TTBK2: variants seen among roughly 807,000 people sequenced by gnomAD.
The protein encoded by TTBK2 is tau-tubulin kinase 2.
In TTBK2, 28 loss-of-function variants were observed where a neutral mutation model predicts 110.8. The ratio of observed to expected loss-of-function variants is 0.25; its 90% confidence interval spans 0.19 to 0.35. The LOEUF is 0.35. Ranked by LOEUF, TTBK2 falls within the 10% of genes least tolerant of loss-of-function variation. TTBK2 has a pLI of 1.00. For missense variants in TTBK2, 1,369 were observed against 1,500.3 expected, an observed-to-expected ratio of 0.91 and a Z score of 1.45; for synonymous variants, 532 against 527.3, an observed-to-expected ratio of 1.01 and a Z score of -0.12.
intron 6 of TTBK2, among the ~76,000 whole-genome samples, chr15:42,821,129 A>G (rs995150301): frequency 6.6e-5 from 10 of 152,254 alleles, no homozygotes; most frequent in African/African-American, 2.2e-4. Flanking sequence ...AGAAAGGTAT[A>G]GAATGTATAT....
chr15:42,763,095 TATATATACGTATATATATATATACAC>T (rs1325301173), intron 13 of TTBK2, among the ~76,000 whole-genome samples: 1 of 120,068 alleles, frequency 8.3e-6, no homozygotes, highest in African/African-American at 3.7e-5. Flanking sequence ...TATATATATA[TATATATACGTATATATATATATACAC>T]ATATATATAC....
intron 14 of TTBK2, among the ~76,000 whole-genome samples, 178 bp downstream of exon 14, chr15:42,751,796 C>T (rs928274740): frequency 6.6e-6 from 1 of 152,072 alleles, no homozygotes; most frequent in African/African-American, 2.4e-5. Flanking sequence ...TATTTTACCG[C>T]AATAAATTGG....
At chr15:42,832,399 C>T (rs1201642890) in intron 4 of TTBK2, among the ~76,000 whole-genome samples, 1 of 152,062 alleles carries the variant, frequency 6.6e-6, no homozygotes, top group Non-Finnish European at 1.5e-5. Flanking sequence ...TATCAACTCA[C>T]AAAATCTGAG....
chr15:42,844,448 A>G (rs966423852), intron 3 of TTBK2, among the ~76,000 whole-genome samples: 1 of 152,158 alleles, frequency 6.6e-6, no homozygotes, highest in African/African-American at 2.4e-5. Flanking sequence ...AGTCCCAGCT[A>G]CTCAGGAAGC....
rs1020999283 is a variant in TTBK2, at chr15:42,884,867, T to C, written c.-67-6183A>G. On this transcript the variant is annotated intron_variant, in intron 1 of 14. Transcript: ENST00000267890. ...ATCCACAAAAGAAGTGAAAATAGCC[T>C]TAGCTGATGACATTCCACCATTGTG... is the stretch of plus-strand genomic sequence containing the variant. Among the ~76,000 whole-genome samples, 9 of 152,182 alleles carry C rather than the reference T, an allele frequency of 5.9e-5. No homozygotes were observed. The East Asian group carries it at 1.7e-3, about 29-fold the overall frequency.
At chr15:42,914,505 A>G (rs932749155) in intron 1 of TTBK2, among the ~76,000 whole-genome samples, 10 of 152,146 alleles carry the variant, frequency 6.6e-5, no homozygotes, top group Non-Finnish European at 8.8e-5. Context: ...TCAAACAGAG[A>G]GTGTAAAACC....
intron 12 of TTBK2, 110 bp downstream of exon 12, chr15:42,776,921 C>T (rs1184921956): frequency 1.7e-6 from 2 of 1,210,652 alleles, no homozygotes; most frequent in African/African-American, 3.1e-5. Context: ...GCAAGGATTT[C>T]TTATTTGAAA....
chr15:42,842,667 C>T (rs920008078), intron 3 of TTBK2, among the ~76,000 whole-genome samples: 13 of 151,202 alleles, frequency 8.6e-5, no homozygotes, highest in African/African-American at 2.2e-4. Context: ...GGGAGGATTG[C>T]GTGAGGCCAG....
intron 3 of TTBK2, among the ~76,000 whole-genome samples, chr15:42,860,107 A>G (rs902172970): frequency 2.0e-5 from 3 of 152,142 alleles, no homozygotes; most frequent in African/African-American, 4.8e-5. Context: ...AACAACTATA[A>G]AAGACATAAC....
At chr15:42,873,300 G>A (rs915026196) in intron 2 of TTBK2, among the ~76,000 whole-genome samples, 3 of 152,062 alleles carry the variant, frequency 2.0e-5, no homozygotes, top group African/African-American at 7.2e-5. Context: ...CAGGCGTGGT[G>A]GTACATGCCT....
At chr15:42,841,787 G>T (rs1467009045) in intron 3 of TTBK2, among the ~76,000 whole-genome samples, 1 of 152,104 alleles carries the variant, frequency 6.6e-6, no homozygotes, top group African/African-American at 2.4e-5. Context: ...TTTTTTACTA[G>T]AATTGGCAAA....
At chr15:42,910,404 A>G (rs892676214) in intron 1 of TTBK2, among the ~76,000 whole-genome samples, 16 of 152,366 alleles carry the variant, frequency 1.1e-4, no homozygotes, top group African/African-American at 3.8e-4. Context: ...GGTCAAGAGC[A>G]TCTACTCATT....
intron 12 of TTBK2, 74 bp downstream of exon 12, chr15:42,776,957 T>C: frequency 3.4e-6 from 5 of 1,482,214 alleles, no homozygotes; most frequent in Non-Finnish European, 4.7e-6. Context: ...AAATATACAA[T>C]AATAATAACA....
intron 4 of TTBK2, 89 bp downstream of exon 4, chr15:42,840,271 A>G: frequency 8.9e-7 from 1 of 1,124,026 alleles, no homozygotes; most frequent in Non-Finnish European, 1.4e-6. Context: ...TGGTACTAAG[A>G]TTGTTGTTAC....
chr15:42,894,449 T>G (rs1342263414), intron 1 of TTBK2, among the ~76,000 whole-genome samples: 1 of 152,186 alleles, frequency 6.6e-6, no homozygotes. Context: ...CAGCATTAAC[T>G]TGATATTAAA....
At chr15:42,813,262 C>T (rs1453783425) in intron 7 of TTBK2, among the ~76,000 whole-genome samples, 3 of 152,166 alleles carry the variant, frequency 2.0e-5, no homozygotes, top group Non-Finnish European at 4.4e-5. Flanking sequence ...TTGCTCATGC[C>T]TGTAATCCCA....
intron 9 of TTBK2, among the ~76,000 whole-genome samples, chr15:42,806,838 T>A (rs1185599593): frequency 1.3e-5 from 2 of 151,222 alleles, no homozygotes; most frequent in African/African-American, 4.9e-5. Flanking sequence ...TTTTGGCTCA[T>A]CAGCTATCAT....
intron 13 of TTBK2, among the ~76,000 whole-genome samples, chr15:42,757,206 A>G (rs917802142): frequency 1.3e-5 from 2 of 151,910 alleles, no homozygotes; most frequent in Non-Finnish European, 2.9e-5. Flanking sequence ...TCCTGGGCTC[A>G]AGCAATCCCT....
At chr15:42,771,889 C>T (rs748714075) in intron 13 of TTBK2, among the ~76,000 whole-genome samples, 14 of 152,270 alleles carry the variant, frequency 9.2e-5, no homozygotes, top group South Asian at 2.1e-4. Flanking sequence ...GCGTCTGACT[C>T]TTCATGGATT....
Sources: gnomAD v4.1 joint callset for allele counts (sites outside exome capture counted in the v4.1 genomes callset) on GRCh38, gnomAD v4.1.1 for gene constraint, MANE v1.5 for transcripts, NCBI Gene and HGNC (gene_info 2026-07-23, HGNC 2026-07-21) for gene names.